The following XRCC4 variants were observed in gnomAD, a reference collection of about 807,000 sequenced individuals.
XRCC4 encodes the protein DNA repair protein XRCC4.
Under a neutral mutation model 39.1 loss-of-function variants are expected in XRCC4, and 28 were observed. The observed-to-expected ratio is 0.72, with a 90% confidence interval of 0.53 to 0.98. The LOEUF is 0.98. Among genes scored for constraint, XRCC4 ranks in the 50% least tolerant of loss-of-function variants. XRCC4 has a pLI of 0.00. For synonymous variants in XRCC4, 123 were observed against 126.4 expected (o/e 0.97, Z 0.18); for missense variants, 350 against 376.4 (o/e 0.93, Z 0.58).
At chr5:83,373,095 A>G in the XRCC4 span, among the ~76,000 whole-genome samples, 4 of 151,942 alleles carry the variant, frequency 2.6e-5, no homozygotes, top group African/African-American at 9.7e-5. Context: ...CTTTGGTGAA[A>G]AAAGGGAGGC....
chr5:83,257,020 A>G (rs181723061), intron 6 of XRCC4, among the ~76,000 whole-genome samples: 1 of 152,244 alleles, frequency 6.6e-6, no homozygotes, highest in Admixed American at 6.5e-5. Context: ...ATTGATAGTT[A>G]TTAAGAAAAA....
intron 1 of XRCC4, among the ~76,000 whole-genome samples, chr5:83,098,178 A>G (rs1219891827): frequency 1.3e-5 from 2 of 152,144 alleles, no homozygotes; most frequent in Non-Finnish European, 2.9e-5. Context: ...GAGGTAATTA[A>G]GAATGGACTG....
At chr5:83,092,898 T>C (rs1205335906) in intron 1 of XRCC4, among the ~76,000 whole-genome samples, 1 of 151,758 alleles carries the variant, frequency 6.6e-6, no homozygotes, top group East Asian at 2.0e-4. Flanking sequence ...AAAGACCCAA[T>C]GATAGAAAAT....
intron 7 of XRCC4, among the ~76,000 whole-genome samples, chr5:83,265,034 G>T (rs1449531686): frequency 1.3e-5 from 2 of 152,004 alleles, no homozygotes; most frequent in African/African-American, 4.8e-5. Context: ...AGATGAAATT[G>T]CATGTGCCAA....
At chr5:83,102,390 A>C (rs1366225241) in intron 1 of XRCC4, among the ~76,000 whole-genome samples, 1 of 152,118 alleles carries the variant, frequency 6.6e-6, no homozygotes, top group African/African-American at 2.4e-5. Context: ...TACTAGGAAA[A>C]ATGGGTAGAA....
rs1379408635 is a variant in XRCC4 at position 83,203,610 on chromosome 5, A to T, written c.541A>T (p.Ile181Phe). ...GGAGACTGATCTTTATAAGCGGTTT[A>T]TTCTGGTGTTGAATGAGAAGAAAAC... The part of the protein sequence containing the change: ...ALETDLYKRF[I>F]LVLNEKKTKI... Residue 181 changes from isoleucine to phenylalanine, a missense_variant, in exon 5 of 8, where the codon ATT (isoleucine) becomes TTT (phenylalanine). Physicochemically the swap from Ile to Phe is conservative, Grantham distance 21. Transcript: ENST00000396027. 6.2e-7 allele frequency: 1 copy of T among 1,611,958 alleles called. No homozygotes were observed. Among genetic ancestry groups the T allele is most frequent in the Non-Finnish European group, 8.5e-7 (1 of 1,179,246 alleles).
chr5:83,352,636 A>G (rs1396936678), intron 7 of XRCC4, among the ~76,000 whole-genome samples: 1 of 152,260 alleles, frequency 6.6e-6, no homozygotes, highest in Non-Finnish European at 1.5e-5. Context: ...AGCAACTGCT[A>G]TAAATGTGAA....
chr5:83,253,705 A>G (rs1376262231), intron 6 of XRCC4, among the ~76,000 whole-genome samples: 1 of 152,212 alleles, frequency 6.6e-6, no homozygotes, highest in Non-Finnish European at 1.5e-5. Context: ...AACCTGAAAA[A>G]TGATTTATAA....
chr5:83,156,704 A>G (rs993718399), intron 3 of XRCC4, among the ~76,000 whole-genome samples: 6 of 152,242 alleles, frequency 3.9e-5, no homozygotes, highest in Non-Finnish European at 8.8e-5. Context: ...TATGGCAGAA[A>G]GCATAAATTT....
intron 7 of XRCC4, among the ~76,000 whole-genome samples, chr5:83,267,030 G>A (rs1330360076): frequency 1.3e-5 from 2 of 152,072 alleles, no homozygotes; most frequent in African/African-American, 2.4e-5. Flanking sequence ...TATGTATATG[G>A]CTAACTATAA....
chr5:83,096,131 G>A (rs897172401), intron 1 of XRCC4, among the ~76,000 whole-genome samples: 5 of 152,080 alleles, frequency 3.3e-5, no homozygotes, highest in South Asian at 4.2e-4. Context: ...AGATATATGA[G>A]TCTCCCAGCA....
At chr5:83,193,844 A>G (rs541327570) in intron 3 of XRCC4, among the ~76,000 whole-genome samples, 1 of 152,360 alleles carries the variant, frequency 6.6e-6, no homozygotes, top group South Asian at 2.1e-4. Flanking sequence ...ATTGTCTAAA[A>G]TAAAGTAAGC....
At chr5:83,292,971 A>G (rs1384951309) in intron 7 of XRCC4, among the ~76,000 whole-genome samples, 1 of 152,034 alleles carries the variant, frequency 6.6e-6, no homozygotes, top group Non-Finnish European at 1.5e-5. Context: ...AGGTATAATT[A>G]GTCACAATTG....
chr5:83,243,725 C>T (rs1199090306), intron 6 of XRCC4, among the ~76,000 whole-genome samples: 4 of 151,992 alleles, frequency 2.6e-5, no homozygotes, highest in East Asian at 1.9e-4. Context: ...GAAAAAGATA[C>T]CAGAAGGGAG....
intron 3 of XRCC4, among the ~76,000 whole-genome samples, chr5:83,146,974 G>T (rs1039113033): frequency 1.3e-5 from 2 of 152,184 alleles, no homozygotes; most frequent in African/African-American, 4.8e-5. Context: ...ATTAAGCAAA[G>T]CAGTTAATCA....
intron 6 of XRCC4, among the ~76,000 whole-genome samples, chr5:83,217,237 G>T (rs1008425194): frequency 1.3e-4 from 19 of 151,584 alleles, no homozygotes; most frequent in African/African-American, 4.1e-4. Flanking sequence ...TATGCCTGTA[G>T]TCCCAGCTAC....
intron 7 of XRCC4, among the ~76,000 whole-genome samples, chr5:83,320,825 T>C (rs1756045402): frequency 6.7e-6 from 1 of 148,532 alleles, no homozygotes; most frequent in South Asian, 2.2e-4. Context: ...TTTTTTTTTT[T>C]TTTTGAGACA....
At chr5:83,370,958 CAGTAAAATA>C in the XRCC4 span, among the ~76,000 whole-genome samples, 1 of 152,130 alleles carries the variant, frequency 6.6e-6, no homozygotes, top group East Asian at 1.9e-4. Context: ...CCACTGCCTT[CAGTAAAATA>C]AGTCCAGTCT....
intron 7 of XRCC4, among the ~76,000 whole-genome samples, chr5:83,293,083 T>C (rs1754976929): frequency 1.3e-5 from 2 of 151,954 alleles, no homozygotes. Context: ...GATGTGGAAC[T>C]CGGGATTTGT....
Sources: gnomAD v4.1 joint callset for allele counts (sites outside exome capture counted in the v4.1 genomes callset) on GRCh38, gnomAD v4.1.1 for gene constraint, MANE v1.5 for transcripts, NCBI Gene and HGNC (gene_info 2026-07-23, HGNC 2026-07-21) for gene names.